NUGGC: variants seen among roughly 807,000 people sequenced by gnomAD.
NUGGC encodes the protein nuclear GTPase, germinal center associated.
NUGGC carries 58 observed loss-of-function variants against 92.6 expected under a neutral mutation model. That is an observed-to-expected ratio of 0.63 (90% CI 0.51 to 0.78). The LOEUF (loss-of-function observed/expected upper bound fraction) is 0.78. NUGGC is among the 30% of genes least tolerant of loss of function. The pLI is 0.00. For synonymous variants in NUGGC, 376 were observed against 366.4 expected (o/e 1.03, Z -0.30); for missense variants, 925 against 964.6 (o/e 0.96, Z 0.54).
chr8:28,082,482 C>T (rs1297249004), intron 1 of NUGGC, among the ~76,000 whole-genome samples: 1 of 152,236 alleles, frequency 6.6e-6, no homozygotes, highest in Non-Finnish European at 1.5e-5. Context: ...GCAATTTCTG[C>T]AATAGCTGTT....
chr8:28,034,946 G>A (rs930295642), intron 13 of NUGGC, among the ~76,000 whole-genome samples: 2 of 152,080 alleles, frequency 1.3e-5, no homozygotes, highest in East Asian at 1.9e-4. Flanking sequence ...ATAATGATAC[G>A]ATGTTAGTAT....
At position 28,068,265 on chromosome 8, in the gene NUGGC, G is replaced by C; in HGVS notation, c.431C>G (p.Ser144Cys). 1.9e-6 allele frequency: 3 copies of C among 1,550,720 alleles called. No individual in the cohort carries two copies. In the South Asian group the frequency reaches 3.6e-5, roughly 18 times the overall value. Residue 144 changes from serine to cysteine, a missense_variant, in exon 5 of 19, where the codon TCT becomes TGT. Ser to Cys is a moderately radical substitution (Grantham distance 112). Coordinates refer to ENST00000413272, the MANE Select transcript of NUGGC (RefSeq NM_001010906.2). The stretch of plus-strand genomic sequence containing the variant: ...GGCCTCATACTGCACACAGCAGCCA[G>C]AGCTCACTTGTACAATGCAGGAAGT... ...ICTSCIVQVS[S>C]GCCVQYEAKI...
chr8:28,025,284 T>C (rs1192115752), intron 18 of NUGGC, among the ~76,000 whole-genome samples: 1 of 152,238 alleles, frequency 6.6e-6, no homozygotes, highest in East Asian at 1.9e-4. Context: ...CTTTTAGATT[T>C]CTTTATAAAG....
In NUGGC at chr8:28,027,069, T is replaced by C; in HGVS notation, c.2155-17A>G. The C allele has an allele frequency of 6.3e-7, 1 of 1,586,810 alleles. No homozygotes were observed. Among genetic ancestry groups the C allele is most frequent in the African/African-American group, 1.3e-5 (1 of 74,512 alleles). ...GATTCCAGTCTATGCAACAAGGACA[T>C]TCAGTCTGTTAGGATGGTGCAGCCC... On this transcript the variant is annotated splice_polypyrimidine_tract_variant and intron_variant, in intron 17 of 18. Coordinates refer to ENST00000413272, the MANE Select transcript of NUGGC (RefSeq NM_001010906.2).
chr8:28,080,431 C>T (rs1252558759), intron 1 of NUGGC, among the ~76,000 whole-genome samples: 1 of 152,194 alleles, frequency 6.6e-6, no homozygotes, highest in Non-Finnish European at 1.5e-5. Flanking sequence ...TCTCATTTCA[C>T]CCTACCTTGC....
chr8:28,072,813 G>T (rs1465344077), intron 2 of NUGGC, among the ~76,000 whole-genome samples: 1 of 151,624 alleles, frequency 6.6e-6, no homozygotes. Context: ...TATTATTCTT[G>T]TCCATCGCTC....
intron 1 of NUGGC, among the ~76,000 whole-genome samples, chr8:28,076,972 C>T (rs1172032957): frequency 6.6e-6 from 1 of 152,158 alleles, no homozygotes; most frequent in Non-Finnish European, 1.5e-5. Flanking sequence ...AGTTTTCTGC[C>T]TCTAGAGGTG....
intron 8 of NUGGC, among the ~76,000 whole-genome samples, chr8:28,058,514 C>G (rs77821272): frequency 6.6e-6 from 1 of 152,154 alleles, no homozygotes; most frequent in Non-Finnish European, 1.5e-5. Context: ...TGTGACCTCA[C>G]TCCCTGTCCC....
chr8:28,071,150 C>T (rs1810581177), intron 2 of NUGGC, among the ~76,000 whole-genome samples: 1 of 152,090 alleles, frequency 6.6e-6, no homozygotes, highest in South Asian at 2.1e-4. Context: ...AATCTATCTC[C>T]CCAGATAAAT....
chr8:28,029,917 T>C (rs1809371135), intron 16 of NUGGC, among the ~76,000 whole-genome samples: 1 of 152,084 alleles, frequency 6.6e-6, no homozygotes, highest in East Asian at 1.9e-4. Context: ...AAGCTGAAAC[T>C]TGCAAAATCA....
intron 14 of NUGGC, among the ~76,000 whole-genome samples, chr8:28,031,722 C>T (rs926856036): frequency 1.8e-4 from 27 of 152,198 alleles, no homozygotes; most frequent in African/African-American, 6.5e-4. Context: ...CAATGTGTGT[C>T]CACTTGAAAG....
rs764704854 is a variant in NUGGC at position 28,030,413 on chromosome 8, A to T, written c.1914T>A (p.Ser638Arg). 11 of 1,555,810 alleles carry T rather than the reference A, an allele frequency of 7.1e-6. No homozygotes were observed. Among genetic ancestry groups the T allele is most frequent in the Non-Finnish European group, 9.6e-6 (11 of 1,143,708 alleles). The stretch of plus-strand genomic sequence containing the variant: ...GGTCCTCCAGGCCCCCGAGGATGGC[A>T]CTTATCTGGGAAGATGTGGCAAAAG... ...CKKNFLIQEISAILGGLEDHI... is the reference protein window; with the variant it reads ...CKKNFLIQEIRAILGGLEDHI... The change falls in exon 16 of 19, where the codon AGT becomes AGA. Residue 638 changes from serine (S) to arginine (R), a missense_variant. Physicochemically the swap from Ser to Arg is moderately radical, Grantham distance 110. Coordinates refer to ENST00000413272, the MANE Select transcript of NUGGC (RefSeq NM_001010906.2).
chr8:28,055,578 A>T (rs1174768869), intron 10 of NUGGC, among the ~76,000 whole-genome samples: 1 of 152,232 alleles, frequency 6.6e-6, no homozygotes, highest in Non-Finnish European at 1.5e-5. Context: ...TAGGTCAGTA[A>T]TCCCAGCACT....
rs536899446 is a variant in NUGGC, at chr8:28,070,310, T to G, written c.90A>C (p.Ser30=). 6.4e-7 allele frequency: 1 copy of G among 1,552,806 alleles called. No homozygotes were observed. The highest frequency in any genetic ancestry group is 2.4e-5 in the East Asian group (1 of 41,360). ...YKERTRKRRK[S]DRDQRFRAFP... Reference sequence around the variant, plus strand: ...ATGCTCGGAACCGCTGGTCTCGATCTGATTTCCTTCTTTTTCTCGTTCGTT... The same window carrying G: ...ATGCTCGGAACCGCTGGTCTCGATCGGATTTCCTTCTTTTTCTCGTTCGTT... The change falls in exon 3 of 19, where the codon TCA becomes TCC. Residue 30 remains serine, a synonymous_variant. Coordinates refer to ENST00000413272, the MANE Select transcript of NUGGC (RefSeq NM_001010906.2).
intron 11 of NUGGC, 50 bp downstream of exon 11, chr8:28,047,457 A>G: frequency 8.3e-7 from 1 of 1,207,256 alleles, no homozygotes; most frequent in Non-Finnish European, 1.2e-6. Flanking sequence ...CGAAGTGCCA[A>G]GCTTGATCTT....
At chr8:28,073,135 G>A (rs2130269723) in intron 2 of NUGGC, among the ~76,000 whole-genome samples, 1 of 151,244 alleles carries the variant, frequency 6.6e-6, no homozygotes, top group East Asian at 1.9e-4. Context: ...CCAAGTAGCT[G>A]GAACTACAGG....
intron 10 of NUGGC, among the ~76,000 whole-genome samples, chr8:28,053,912 G>A (rs532691543): frequency 6.6e-6 from 1 of 152,256 alleles, no homozygotes; most frequent in East Asian, 1.9e-4. Flanking sequence ...TAAGTATGAG[G>A]CCTAATGATA....
intron 1 of NUGGC, among the ~76,000 whole-genome samples, chr8:28,077,976 T>C (rs1810763773): frequency 6.6e-6 from 1 of 152,228 alleles, no homozygotes; most frequent in Admixed American, 6.5e-5. Context: ...GTAGTAGTTT[T>C]GGCTTCTTTC....
rs547967741 is a variant in NUGGC at position 28,050,194 on chromosome 8, T to C, written c.1207-2582A>G. Reference sequence around the variant, plus strand: ...GGAGGTCTGGAGTTTGAGACCAGCCTGATCAACATGGAGAAACCCCGTCTC... The same window carrying C: ...GGAGGTCTGGAGTTTGAGACCAGCCCGATCAACATGGAGAAACCCCGTCTC... On this transcript the variant is annotated intron_variant, in intron 10 of 18. Coordinates refer to ENST00000413272, the MANE Select transcript of NUGGC (RefSeq NM_001010906.2). Among the ~76,000 whole-genome samples the C allele has an allele frequency of 2.0e-5, 3 of 152,078 alleles. No homozygotes were observed. The South Asian group carries it at 6.2e-4, about 32-fold the overall frequency.
Sources: allele counts gnomAD v4.1 joint callset (sites outside exome capture counted in the v4.1 genomes callset), GRCh38; gene constraint gnomAD v4.1.1; transcripts MANE v1.5; gene names NCBI Gene and HGNC (gene_info 2026-07-23, HGNC 2026-07-21).